The following AGBL1 variants were observed in gnomAD, a reference collection of about 807,000 sequenced individuals.
AGBL1 encodes the protein cytosolic carboxypeptidase 4.
Under a neutral mutation model 118.9 loss-of-function variants are expected in AGBL1, and 130 were observed. That is an observed-to-expected ratio of 1.09 (90% CI 0.95 to 1.26). The LOEUF is 1.26. AGBL1 is among the 50% of genes most tolerant of loss of function. The pLI, the probability that AGBL1 is intolerant of heterozygous loss-of-function variation, is 0.00. For synonymous variants in AGBL1, 555 were observed against 478.9 expected (o/e 1.16, Z -2.08); for missense variants, 1,584 against 1,298.1 (o/e 1.22, Z -3.38).
intron 18 of AGBL1, among the ~76,000 whole-genome samples, chr15:86,422,121 G>A (rs571366517): frequency 1.3e-5 from 2 of 152,126 alleles, no homozygotes; most frequent in East Asian, 1.9e-4. Flanking sequence ...CAGAACTCTC[G>A]ACCTCAAATC....
In AGBL1 at chr15:86,770,319, A is replaced by G. The variant is rs150873709; in HGVS notation, c.3158+95883A>G. 1.5e-3 allele frequency among the ~76,000 whole-genome samples: 234 copies of G among 151,972 alleles called. 2 individuals carry two copies. The highest frequency in any genetic ancestry group is 5.4e-3 in the African/African-American group (226 of 41,476). On this transcript the variant is annotated intron_variant, in intron 22 of 22. Coordinates refer to ENST00000614907, the MANE Select transcript of AGBL1 (RefSeq NM_001386094.1). ...GGTCCCTCCATGGGGTTGATTTTGC[A>G]TCCCCGCACAGGAGACATTTGGCAA...
At chr15:86,453,270 A>G (rs952483112) in intron 18 of AGBL1, among the ~76,000 whole-genome samples, 2 of 152,228 alleles carry the variant, frequency 1.3e-5, no homozygotes, top group African/African-American at 4.8e-5. Flanking sequence ...GTTGGACACT[A>G]CTGAATATAG....
chr15:86,310,517 G>T (rs1396215492), intron 17 of AGBL1, among the ~76,000 whole-genome samples: 1 of 152,126 alleles, frequency 6.6e-6, no homozygotes, highest in Non-Finnish European at 1.5e-5. Flanking sequence ...GGAGCCTAAA[G>T]CTGGGATCTG....
chr15:86,213,084 A>C (rs1237589278), intron 5 of AGBL1, among the ~76,000 whole-genome samples: 1 of 152,238 alleles, frequency 6.6e-6, no homozygotes, highest in African/African-American at 2.4e-5. Flanking sequence ...AGGCTTTGTG[A>C]TATGTACAAA....
intron 21 of AGBL1, among the ~76,000 whole-genome samples, chr15:86,623,898 A>G (rs554727610): frequency 6.6e-6 from 1 of 152,340 alleles, no homozygotes; most frequent in African/African-American, 2.4e-5. Flanking sequence ...GTTCACCTAG[A>G]AGAGGCACAA....
chr15:86,693,909 A>G (rs990929357), intron 22 of AGBL1, among the ~76,000 whole-genome samples: 2 of 151,928 alleles, frequency 1.3e-5, no homozygotes, highest in African/African-American at 4.8e-5. Flanking sequence ...TGCTGTAAGT[A>G]TTTGGGCTTA....
At chr15:86,391,606 C>A (rs946942646) in intron 17 of AGBL1, among the ~76,000 whole-genome samples, 2 of 149,088 alleles carry the variant, frequency 1.3e-5, no homozygotes, top group African/African-American at 5.0e-5. Flanking sequence ...CAAGAAGCCC[C>A]GTCTGATCAT....
chr15:86,329,174 C>T (rs907374576), intron 17 of AGBL1, among the ~76,000 whole-genome samples: 5 of 152,060 alleles, frequency 3.3e-5, no homozygotes, highest in Admixed American at 3.3e-4. Flanking sequence ...TGGGTGCCTA[C>T]CCCAGCCTGT....
chr15:86,250,981 AAGC>A lies in AGBL1; in HGVS notation c.735+3114_735+3116del, dbSNP rs199630945. ...AGTGATAGTGATGACAATGTTAATGAAGCAGCAGCAGCAGAGGGAGGAGGAGGA... is the reference window on the plus strand; with the variant it reads ...AGTGATAGTGATGACAATGTTAATGAAGCAGCAGCAGAGGGAGGAGGAGGA... On this transcript the variant is annotated intron_variant, in intron 7 of 22. Coordinates refer to ENST00000614907, the MANE Select transcript of AGBL1 (RefSeq NM_001386094.1). 7.7e-3 allele frequency among the ~76,000 whole-genome samples: 1,176 copies of A among 152,296 alleles called. 17 individuals carry two copies. Among genetic ancestry groups the A allele is most frequent in the African/African-American group, 0.027 (1,118 of 41,558 alleles).
chr15:86,571,908 C>T (rs2084014256), intron 21 of AGBL1, among the ~76,000 whole-genome samples: 1 of 152,146 alleles, frequency 6.6e-6, no homozygotes, highest in South Asian at 2.1e-4. Context: ...CCGCTGTTCT[C>T]CACACCCAGG....
At chr15:86,893,623 AG>A (rs1405295070) in intron 22 of AGBL1, among the ~76,000 whole-genome samples, 1 of 152,172 alleles carries the variant, frequency 6.6e-6, no homozygotes, top group Non-Finnish European at 1.5e-5. Flanking sequence ...CAAGGGATAG[AG>A]TCTTCTTAAT....
intron 1 of AGBL1, 48 bp downstream of exon 1, chr15:86,080,071 C>CCTGGG: frequency 8.2e-7 from 1 of 1,219,454 alleles, no homozygotes; most frequent in Middle Eastern, 3.1e-4. Context: ...TGGGTGTTTG[C>CCTGGG]CTGGGCTGGC....
chr15:86,745,612 A>G (rs574073933), intron 22 of AGBL1, among the ~76,000 whole-genome samples: 4 of 152,088 alleles, frequency 2.6e-5, no homozygotes, highest in Admixed American at 6.6e-5. Flanking sequence ...TACGTGGTGC[A>G]TGTCAGATTT....
chr15:86,755,529 G>A (rs184162183), intron 22 of AGBL1, among the ~76,000 whole-genome samples: 1 of 152,066 alleles, frequency 6.6e-6, no homozygotes, highest in Admixed American at 6.6e-5. Flanking sequence ...CTGTTTTTCA[G>A]ATATAACGTA....
intron 18 of AGBL1, among the ~76,000 whole-genome samples, chr15:86,516,814 A>G (rs1037126439): frequency 2.1e-5 from 3 of 141,708 alleles, no homozygotes; most frequent in Admixed American, 7.0e-5. Context: ...AAAAAAAAAA[A>G]GTGATTTAAC....
At chr15:86,374,698 C>G (rs1251338753) in intron 17 of AGBL1, among the ~76,000 whole-genome samples, 2 of 152,198 alleles carry the variant, frequency 1.3e-5, no homozygotes, top group Non-Finnish European at 2.9e-5. Flanking sequence ...CTTTTAGCTC[C>G]TGATTTGCTC....
Position 86,231,014 on chromosome 15 carries a change from C to G in AGBL1, c.526+6063C>G, listed in dbSNP as rs147392591. ...GGACCAGAGAGAGGGCGTGATCCAC[C>G]TAGATCTCTGAGACTTCGAATGTTT... On this transcript the variant is annotated intron_variant, in intron 6 of 22. Transcript: ENST00000614907. Among the ~76,000 whole-genome samples, 87 of 152,308 alleles carry G rather than the reference C, an allele frequency of 5.7e-4. 1 individual carries two copies. The highest frequency in any genetic ancestry group is 2.0e-3 in the African/African-American group (83 of 41,568).
chr15:86,151,334 T>C (rs1437369587), intron 3 of AGBL1, among the ~76,000 whole-genome samples: 1 of 144,142 alleles, frequency 6.9e-6, no homozygotes, highest in Non-Finnish European at 1.5e-5. Flanking sequence ...TCCACCACAA[T>C]CAAGTCAGCT....
chr15:86,336,458 A>G (rs761259461), intron 17 of AGBL1, among the ~76,000 whole-genome samples: 4 of 152,236 alleles, frequency 2.6e-5, no homozygotes, highest in Admixed American at 6.5e-5. Flanking sequence ...AATAAATTGC[A>G]TTTGGAGCTA....
Sources: gnomAD v4.1 joint callset for allele counts (sites outside exome capture counted in the v4.1 genomes callset) on GRCh38, gnomAD v4.1.1 for gene constraint, MANE v1.5 for transcripts, NCBI Gene and HGNC (gene_info 2026-07-23, HGNC 2026-07-21) for gene names.